RPTOR: variants seen among roughly 807,000 people sequenced by gnomAD.
RPTOR encodes the protein regulatory associated protein of MTOR complex 1.
Under a neutral mutation model 169.9 loss-of-function variants are expected in RPTOR, and 21 were observed. The ratio of observed to expected loss-of-function variants is 0.12; its 90% CI spans 0.09 to 0.18. The LOEUF (loss-of-function observed/expected upper bound fraction) is 0.18, where lower values mean the gene tolerates loss of function less well. Among genes scored for constraint, RPTOR ranks in the 10% least tolerant of loss-of-function variants. The pLI, the probability that RPTOR is intolerant of heterozygous loss-of-function variation, is 1.00. For missense variants in RPTOR, 1,133 were observed against 1,855.9 expected (o/e 0.61, Z 7.16); for synonymous variants, 732 against 753.2 (o/e 0.97, Z 0.46).
intron 5 of RPTOR, among the ~76,000 whole-genome samples, chr17:80,741,638 TCTC>T (rs1317949711): frequency 6.6e-6 from 1 of 152,116 alleles, no homozygotes; most frequent in Admixed American, 6.5e-5. Context: ...TTGTTCAGCA[TCTC>T]CTGTAAATTA....
intron 3 of RPTOR, among the ~76,000 whole-genome samples, chr17:80,702,275 C>A (rs1352931654): frequency 6.6e-6 from 1 of 151,982 alleles, no homozygotes; most frequent in African/African-American, 2.4e-5. Flanking sequence ...GTTATTCATT[C>A]TTTTATTATC....
chr17:80,632,181 A>T (rs1312585872), intron 2 of RPTOR, among the ~76,000 whole-genome samples: 1 of 152,000 alleles, frequency 6.6e-6, no homozygotes, highest in Non-Finnish European at 1.5e-5. Flanking sequence ...GTTGAAATTG[A>T]CTTCTTATTA....
At chr17:80,930,065 T>TCATCCCCAGCTCATCCC (rs1396267420) in intron 24 of RPTOR, among the ~76,000 whole-genome samples, 2 of 147,106 alleles carry the variant, frequency 1.4e-5, no homozygotes, top group Non-Finnish European at 3.0e-5. Flanking sequence ...CAGCTCATCC[T>TCATCCCCAGCTCATCCC]CATCCCCAGC....
chr17:80,608,812 G>A (rs2065247001), intron 1 of RPTOR, among the ~76,000 whole-genome samples: 1 of 152,214 alleles, frequency 6.6e-6, no homozygotes, highest in Non-Finnish European at 1.5e-5. Flanking sequence ...TGTTTATTGA[G>A]TGCCCTTGGG....
At chr17:80,850,151 G>A (rs991985751) in intron 11 of RPTOR, among the ~76,000 whole-genome samples, 1 of 152,178 alleles carries the variant, frequency 6.6e-6, no homozygotes, top group Admixed American at 6.5e-5. Flanking sequence ...GGCTTTGGGT[G>A]AACCTGCTAC....
At chr17:80,774,946 G>A (rs534719915) in intron 6 of RPTOR, among the ~76,000 whole-genome samples, 1 of 152,206 alleles carries the variant, frequency 6.6e-6, no homozygotes, top group Non-Finnish European at 1.5e-5. Flanking sequence ...CACGGGCCCC[G>A]CCTGTGCGTA....
At chr17:80,667,343 G>C (rs1213470672) in intron 3 of RPTOR, among the ~76,000 whole-genome samples, 3 of 152,178 alleles carry the variant, frequency 2.0e-5, no homozygotes, top group Non-Finnish European at 4.4e-5. Flanking sequence ...AGTGTGAGCA[G>C]ACATTCCAGT....
chr17:80,849,073 A>T (rs540964002), intron 11 of RPTOR, among the ~76,000 whole-genome samples: 19 of 152,176 alleles, frequency 1.2e-4, no homozygotes, highest in Non-Finnish European at 2.2e-4. Context: ...GATGAAGTGT[A>T]ATGGGGTATC....
In RPTOR at chr17:80,566,315, ACT is replaced by A. The variant is rs1191367937; in HGVS notation, c.162+20527_162+20528del. Among the ~76,000 whole-genome samples, 8 of 152,286 alleles carry A rather than the reference ACT, an allele frequency of 5.3e-5. No homozygotes were observed. In the East Asian group the frequency reaches 5.8e-4, roughly 11 times the overall value. ...TGCAGCAAATAGAGATAGCGCGGTA[ACT>A]CTGTGTGTGCTGTTATGGAGAGGTT... On this transcript the variant is annotated intron_variant, in intron 1 of 33. Coordinates refer to ENST00000306801, the MANE Select transcript of RPTOR (RefSeq NM_020761.3).
intron 18 of RPTOR, 58 bp downstream of exon 18, chr17:80,891,895 GC>G: frequency 8.0e-7 from 1 of 1,245,810 alleles, no homozygotes; most frequent in South Asian, 1.2e-5. Flanking sequence ...TCTAGTGCAG[GC>G]CGCGGCCCAG....
chr17:80,664,081 C>A (rs1461354546), intron 3 of RPTOR, among the ~76,000 whole-genome samples: 1 of 152,066 alleles, frequency 6.6e-6, no homozygotes, highest in Admixed American at 6.5e-5. Flanking sequence ...TCCAGGGCTG[C>A]GTCTGGGAGG....
At chr17:80,826,829 C>G (rs1440958755) in intron 9 of RPTOR, among the ~76,000 whole-genome samples, 47 of 152,280 alleles carry the variant, frequency 3.1e-4, no homozygotes, top group Non-Finnish European at 1.5e-5. Flanking sequence ...ACAGCTAGAA[C>G]TCGCCCTGCT....
In RPTOR at chr17:80,966,026, TTCAAC is replaced by T. The variant is rs1162949620; in HGVS notation, c.*1701_*1705del. ...GCACACGCAGCTTCCCATCCAGTCCTTCAACTCAATTCTTACCCAACACGCGTTTC... is the reference window on the plus strand; with the variant it reads ...GCACACGCAGCTTCCCATCCAGTCCTTCAATTCTTACCCAACACGCGTTTC... On this transcript the variant is annotated 3_prime_UTR_variant, in exon 34 of 34. Transcript: ENST00000306801. The T allele has an allele frequency of 4.7e-5, 11 of 232,926 alleles. No individual in the cohort carries two copies. The East Asian group carries it at 6.6e-4, about 14-fold the overall frequency. 14.4% of individuals were successfully genotyped at this position (232,926 alleles called of 1,614,324 possible).
intron 3 of RPTOR, among the ~76,000 whole-genome samples, chr17:80,672,032 A>AT (rs2065825624): frequency 6.6e-6 from 1 of 152,136 alleles, no homozygotes; most frequent in Admixed American, 6.5e-5. Flanking sequence ...TCGTAGGTTG[A>AT]TTTATCTTTA....
intron 20 of RPTOR, among the ~76,000 whole-genome samples, chr17:80,898,401 G>A (rs2068432909): frequency 6.6e-6 from 1 of 151,990 alleles, no homozygotes; most frequent in South Asian, 2.1e-4. Flanking sequence ...TAAGATGTTT[G>A]TTCATTTCTT....
At chr17:80,765,191 G>A (rs2066773824) in intron 6 of RPTOR, among the ~76,000 whole-genome samples, 1 of 152,110 alleles carries the variant, frequency 6.6e-6, no homozygotes, top group Admixed American at 6.5e-5. Flanking sequence ...TCATTTCCTG[G>A]GAGTCCTGCC....
At chr17:80,905,753 T>A (rs1398310648) in intron 20 of RPTOR, among the ~76,000 whole-genome samples, 1 of 152,084 alleles carries the variant, frequency 6.6e-6, no homozygotes, top group East Asian at 1.9e-4. Context: ...ACATTGTGGG[T>A]GAGGCTTGAG....
intron 1 of RPTOR, among the ~76,000 whole-genome samples, chr17:80,605,641 C>T (rs1314774269): frequency 6.6e-6 from 1 of 152,154 alleles, no homozygotes; most frequent in Non-Finnish European, 1.5e-5. Flanking sequence ...GGGCGTTTCT[C>T]TTCCAGAGCT....
chr17:80,881,605 G>C (rs2068186891), intron 14 of RPTOR, among the ~76,000 whole-genome samples: 3 of 152,352 alleles, frequency 2.0e-5, no homozygotes, highest in African/African-American at 4.8e-5. Context: ...GACTGCTTGA[G>C]CTCGGGAGTT....
Sources: gnomAD v4.1 joint callset for allele counts (sites outside exome capture counted in the v4.1 genomes callset) on GRCh38, gnomAD v4.1.1 for gene constraint, MANE v1.5 for transcripts, NCBI Gene and HGNC (gene_info 2026-07-23, HGNC 2026-07-21) for gene names.